The following TOMM70 variants were observed in gnomAD, a reference collection of about 807,000 sequenced individuals.
TOMM70 encodes mitochondrial import receptor subunit TOM70.
Under a neutral mutation model 73.6 loss-of-function variants are expected in TOMM70, and 13 were observed. The observed-to-expected ratio is 0.18, with a 90% CI of 0.11 to 0.28. The LOEUF (loss-of-function observed/expected upper bound fraction) is 0.28. Among genes scored for constraint, TOMM70 ranks in the 10% least tolerant of loss-of-function variants. The probability of loss-of-function intolerance (pLI) is 1.00; values close to 1 mark genes in which losing one functional copy is unlikely to be tolerated. For synonymous variants in TOMM70, 257 were observed against 271.2 expected (o/e 0.95, Z 0.51); for missense variants, 609 against 747.5 (o/e 0.81, Z 2.16).
rs765156696 is a variant in TOMM70, at chr3:100,400,691, C to T, written c.259G>A (p.Glu87Lys). 6.2e-7 allele frequency: 1 copy of T among 1,611,828 alleles called. No homozygotes were observed. The highest frequency in any genetic ancestry group is 8.5e-7 in the Non-Finnish European group (1 of 1,179,676). ...CCCGGGGCCGGACTGGCCCTGCCCT[C>T]CGGGGTCTTCCGTTCGCTGTTGCGC... ...LKRNSERKTP[E>K]GRASPAPGSG... The change falls in exon 1 of 12, where the codon GAG (glutamate) becomes AAG (lysine). Residue 87 changes from glutamate to lysine, a missense_variant. Physicochemically the swap from Glu to Lys is moderately conservative, Grantham distance 56. Coordinates refer to ENST00000284320, the MANE Select transcript of TOMM70 (RefSeq NM_014820.5).
intron 1 of TOMM70, among the ~76,000 whole-genome samples, chr3:100,396,168 T>G (rs1233018614): frequency 6.6e-6 from 1 of 152,178 alleles, no homozygotes; most frequent in East Asian, 1.9e-4. Context: ...TGTCCCTGAT[T>G]GATTTTTTAA....
chr3:100,400,585 C>T (rs981526856), intron 1 of TOMM70, 41 bp downstream of exon 1: 1 of 1,587,820 alleles, frequency 6.3e-7, no homozygotes, highest in South Asian at 1.1e-5. Flanking sequence ...AAAAGCTGCA[C>T]GAGCCAGTTT....
Position 100,386,978 on chromosome 3 carries a change from T to C in TOMM70, c.325A>G (p.Asn109Asp). 6.2e-7 allele frequency: 1 copy of C among 1,612,446 alleles called. No individual in the cohort carries two copies. ...GCTGCTTGGGCTCTATCAAGAGAGT[T>C]CTGAAATGAGAGGAAACAATTATCA... ...PEGPGAHLDM[N>D]SLDRAQAAKN... The change falls in exon 2 of 12, where the codon AAC becomes GAC. Residue 109 changes from asparagine (N) to aspartate (D), a missense_variant and splice_region_variant. This residue lies in a region of TOMM70 where 177 missense variants were observed against 163.5 expected (regional missense o/e 1.08). Transcript: ENST00000284320.
At chr3:100,375,621 C>T (rs1706553789) in intron 6 of TOMM70, among the ~76,000 whole-genome samples, 1 of 152,168 alleles carries the variant, frequency 6.6e-6, no homozygotes, top group Non-Finnish European at 1.5e-5. Context: ...ACAGATATCA[C>T]ATTTTATTTA....
intron 11 of TOMM70, 21 bp from the exon 12 acceptor site, chr3:100,365,738 AG>A (rs1559829117): frequency 6.2e-7 from 1 of 1,613,080 alleles, no homozygotes; most frequent in Non-Finnish European, 8.5e-7. Context: ...AAAATTTTTA[AG>A]TCTCAGATTC....
chr3:100,396,393 T>C (rs559818340), intron 1 of TOMM70, among the ~76,000 whole-genome samples: 1 of 152,294 alleles, frequency 6.6e-6, no homozygotes, highest in African/African-American at 2.4e-5. Context: ...ATGCTAAATA[T>C]GAACACAAGA....
chr3:100,366,298 C>T (rs2148888029), intron 11 of TOMM70, among the ~76,000 whole-genome samples: 1 of 152,322 alleles, frequency 6.6e-6, no homozygotes, highest in Non-Finnish European at 1.5e-5. Context: ...AGATTTATTG[C>T]CTCTGCCTGA....
intron 1 of TOMM70, among the ~76,000 whole-genome samples, chr3:100,399,999 T>C (rs1035912488): frequency 6.6e-6 from 1 of 152,108 alleles, no homozygotes; most frequent in Non-Finnish European, 1.5e-5. Flanking sequence ...GGACGAGCCT[T>C]GGGAGCTTGA....
Position 100,372,693 on chromosome 3 carries a change from A to G in TOMM70, c.1365T>C (p.Ser455=). The G allele has an allele frequency of 1.2e-6, 2 of 1,614,082 alleles. No individual in the cohort carries two copies. Among genetic ancestry groups the G allele is most frequent in the Non-Finnish European group, 8.5e-7 (1 of 1,179,970 alleles). ...CTTTCATAGCTGCTTGGATTTGTGA[A>G]GAGTTGTTTCCCGTATATGCCTGGC... The part of the protein sequence containing the change: ...LYRQAYTGNN[S]SQIQAAMKGF... Residue 455 remains serine, a synonymous_variant, in exon 9 of 12, where the codon TCT becomes TCC. Coordinates refer to ENST00000284320, the MANE Select transcript of TOMM70 (RefSeq NM_014820.5).
At chr3:100,381,316 C>CG (rs1347267814) in intron 5 of TOMM70, among the ~76,000 whole-genome samples, 1 of 152,088 alleles carries the variant, frequency 6.6e-6, no homozygotes, top group Non-Finnish European at 1.5e-5. Context: ...TATTCAAACA[C>CG]GGTCAGCCAC....
chr3:100,365,532 T>C lies in TOMM70; in HGVS notation c.*32A>G. 6 of 1,613,708 alleles carry C rather than the reference T, an allele frequency of 3.7e-6. No individual in the cohort carries two copies. Among genetic ancestry groups the C allele is most frequent in the Non-Finnish European group, 5.1e-6 (6 of 1,179,648 alleles). On this transcript the variant is annotated 3_prime_UTR_variant, in exon 12 of 12. Coordinates refer to ENST00000284320, the MANE Select transcript of TOMM70 (RefSeq NM_014820.5). ...TTCAGTTGAAGAGGGGGTAAACTTT[T>C]AAAAAGAGGGTCAGTCTGCTTTCCC...
chr3:100,369,017 AACAATC>A lies in TOMM70; in HGVS notation c.1550+15_1550+20del, dbSNP rs750384365. ...TGCAAGAAATTTATTATCTCATTGGAACAATCACAAAAATACATACCCTTTATGAAC... is the reference window on the plus strand; with the variant it reads ...TGCAAGAAATTTATTATCTCATTGGAACAAAAATACATACCCTTTATGAAC... On this transcript the variant is annotated intron_variant, in intron 10 of 11. Transcript: ENST00000284320. 6.5e-7 allele frequency: 1 copy of A among 1,535,664 alleles called. No homozygotes were observed. Among genetic ancestry groups the A allele is most frequent in the South Asian group, 1.1e-5 (1 of 87,558 alleles).
chr3:100,368,239 T>C, intron 10 of TOMM70, 73 bp from the exon 11 acceptor site: 2 of 1,493,858 alleles, frequency 1.3e-6, no homozygotes, highest in Non-Finnish European at 1.8e-6. Context: ...TTAATATGAC[T>C]CAATTTCTGC....
intron 4 of TOMM70, 134 bp from the exon 5 acceptor site, chr3:100,381,897 G>A: frequency 1.1e-6 from 1 of 912,826 alleles, no homozygotes; most frequent in Non-Finnish European, 1.5e-6. Context: ...TAAGCTCCAA[G>A]CCACAGAACA....
rs1356908101 is a variant in TOMM70 at position 100,365,084 on chromosome 3, AAC to A, written c.*478_*479del. The A allele has an allele frequency of 6.5e-6, 1 of 154,030 alleles. No homozygotes were observed. Among genetic ancestry groups the A allele is most frequent in the Admixed American group, 6.4e-5 (1 of 15,658 alleles). The allele number at this position is 154,030 out of a possible 1,614,324, so 9.5% of individuals were successfully genotyped here. On this transcript the variant is annotated 3_prime_UTR_variant, in exon 12 of 12. Coordinates refer to ENST00000284320, the MANE Select transcript of TOMM70 (RefSeq NM_014820.5). ...TCAATTTTACTTTAATCCCCCATTT[AAC>A]CTTTGTTTCTTTCAAAAAATCAACT...
intron 5 of TOMM70, among the ~76,000 whole-genome samples, chr3:100,378,821 A>G (rs1010821722): frequency 2.0e-5 from 3 of 152,184 alleles, no homozygotes; most frequent in Admixed American, 6.5e-5. Flanking sequence ...CCTGGCAAAC[A>G]TGGTGAAACC....
chr3:100,369,432 A>G lies in TOMM70; in HGVS notation c.1453-297T>C, dbSNP rs144702568. Among the ~76,000 whole-genome samples, 684 of 152,172 alleles carry G rather than the reference A, an allele frequency of 4.5e-3. 1 individual carries two copies. The highest frequency in any genetic ancestry group is 0.016 in the African/African-American group (650 of 41,496). On this transcript the variant is annotated intron_variant, in intron 9 of 11. Transcript: ENST00000284320. ...AATCCCATTCTTAGTCACAGCTCTAATATCACATTCTCATAGGTACAGTCA... is the reference window on the plus strand; with the variant it reads ...AATCCCATTCTTAGTCACAGCTCTAGTATCACATTCTCATAGGTACAGTCA...
chr3:100,382,268 T>C (rs1706641755), intron 4 of TOMM70, among the ~76,000 whole-genome samples: 1 of 152,218 alleles, frequency 6.6e-6, no homozygotes. Context: ...GCTTTATCTA[T>C]AAAATTCAGC....
intron 3 of TOMM70, 51 bp downstream of exon 3, chr3:100,386,167 G>A: frequency 6.4e-7 from 1 of 1,561,066 alleles, no homozygotes. Flanking sequence ...ATTTACCAAT[G>A]ACTACAAAAT....
Sources: gnomAD v4.1 joint callset for allele counts (sites outside exome capture counted in the v4.1 genomes callset) on GRCh38, gnomAD v4.1.1 for gene constraint, gnomAD v4.1.1 regional missense constraint, MANE v1.5 for transcripts, NCBI Gene and HGNC (gene_info 2026-07-23, HGNC 2026-07-21) for gene names.